Variants in PLLP observed in about 807,000 individuals in gnomAD.
PLLP encodes plasmolipin, also known as plasma membrane proteolipid (plasmolipin).
Under a neutral mutation model 19.7 loss-of-function variants are expected in PLLP, and 15 were observed. The ratio of observed to expected loss-of-function variants is 0.76; its 90% confidence interval spans 0.51 to 1.17. The LOEUF (loss-of-function observed/expected upper bound fraction) is 1.17, where lower values mean the gene tolerates loss of function less well. Ranked by LOEUF, PLLP falls within the 50% of genes most tolerant of loss-of-function variation. The pLI is 0.00. For missense variants in PLLP, 255 were observed against 258.3 expected, an observed-to-expected ratio of 0.99 and a Z score of 0.09; for synonymous variants, 111 against 116.3, an observed-to-expected ratio of 0.95 and a Z score of 0.29.
chr16:57,284,525 A>T lies in PLLP; in HGVS notation c.16T>A (p.Ser6Thr), dbSNP rs1481726531. The change falls in exon 1 of 4, where the codon TCG becomes ACG. Residue 6 changes from serine (S) to threonine (T), a missense_variant. Coordinates refer to ENST00000219207, the MANE Select transcript of PLLP (RefSeq NM_015993.3). ...CTGCTGGTCCGCGTGCTAACTTTCG[A>T]CGGGAACTCGGCCATGGCGGCTCCG... MAEFPSKVSTRTSSPA... is the reference protein window; with the variant it reads MAEFPTKVSTRTSSPA... The T allele has an allele frequency of 1.3e-5, 18 of 1,387,372 alleles. No homozygotes were observed. Among genetic ancestry groups the T allele is most frequent in the Non-Finnish European group, 1.7e-5 (18 of 1,060,466 alleles). 85.9% of individuals were successfully genotyped at this position (1,387,372 alleles called of 1,614,324 possible). A position where few individuals can be genotyped will look rare whatever the true frequency, so the allele number is the denominator to read the frequency against.
At chr16:57,259,204 C>T (rs2075435106) in intron 2 of PLLP, among the ~76,000 whole-genome samples, 2 of 152,184 alleles carry the variant, frequency 1.3e-5, no homozygotes, top group Non-Finnish European at 2.9e-5. Context: ...CCATTCCTCA[C>T]AGAAAGAGCC....
intron 1 of PLLP, among the ~76,000 whole-genome samples, chr16:57,267,417 A>G (rs1597961464): frequency 6.6e-6 from 1 of 152,238 alleles, no homozygotes; most frequent in African/African-American, 2.4e-5. Context: ...AAATACAAAA[A>G]TTAGCCGGGC....
At position 57,281,194 on chromosome 16, in the gene PLLP, C is replaced by T. The variant is rs115740928; in HGVS notation, c.135+3212G>A. On this transcript the variant is annotated intron_variant, in intron 1 of 3. Transcript: ENST00000219207. Reference sequence around the variant, plus strand: ...CTGGGAAGGTAGCAGCAAAGCCACACGTGGTCATTAAGACCATAGGCCAGA... The same window carrying T: ...CTGGGAAGGTAGCAGCAAAGCCACATGTGGTCATTAAGACCATAGGCCAGA... 3.8e-3 allele frequency among the ~76,000 whole-genome samples: 585 copies of T among 152,320 alleles called. 4 individuals carry two copies. The highest frequency in any genetic ancestry group is 0.012 in the African/African-American group (481 of 41,566).
chr16:57,265,631 T>C (rs1263865036), intron 1 of PLLP, among the ~76,000 whole-genome samples: 1 of 152,202 alleles, frequency 6.6e-6, no homozygotes, highest in Non-Finnish European at 1.5e-5. Context: ...CACATCTCAT[T>C]GATTCCTCCA....
chr16:57,262,102 G>C (rs762440622), intron 1 of PLLP, 32 bp from the exon 2 acceptor site: 2 of 1,608,758 alleles, frequency 1.2e-6, no homozygotes, highest in East Asian at 2.2e-5. Flanking sequence ...GGATTGGCCA[G>C]AGATGCGGTT....
chr16:57,261,861 G>C, intron 2 of PLLP, 36 bp downstream of exon 2: 3 of 1,599,516 alleles, frequency 1.9e-6, no homozygotes, highest in Non-Finnish European at 2.6e-6. Context: ...CAGTGGTCCT[G>C]TCATAGCCAC....
chr16:57,272,569 T>C (rs1438156530), intron 1 of PLLP, among the ~76,000 whole-genome samples: 1 of 151,902 alleles, frequency 6.6e-6, no homozygotes, highest in African/African-American at 2.4e-5. Context: ...CCTCTCTCCC[T>C]GGACTTCCGG....
chr16:57,284,343 C>T, intron 1 of PLLP, 63 bp downstream of exon 1: 1 of 1,273,840 alleles, frequency 7.9e-7, no homozygotes, highest in Admixed American at 4.1e-5. Context: ...GCCGGAGTCC[C>T]TCACCCATCC....
At chr16:57,279,785 A>G (rs1597966305) in intron 1 of PLLP, among the ~76,000 whole-genome samples, 1 of 152,006 alleles carries the variant, frequency 6.6e-6, no homozygotes, top group African/African-American at 2.4e-5. Flanking sequence ...CAATCTTCCT[A>G]CCTCAGCCTC....
intron 1 of PLLP, among the ~76,000 whole-genome samples, chr16:57,269,795 T>A (rs2075468629): frequency 2.0e-5 from 3 of 152,170 alleles, no homozygotes; most frequent in Admixed American, 6.5e-5. Flanking sequence ...TGATGGAGTC[T>A]CGCTTTGTTG....
chr16:57,279,670 G>A (rs1297336582), intron 1 of PLLP, among the ~76,000 whole-genome samples: 5 of 123,896 alleles, frequency 4.0e-5, no homozygotes, highest in Non-Finnish European at 6.9e-5. Flanking sequence ...GCAAGACCTT[G>A]TCTCGAGGAA....
intron 1 of PLLP, among the ~76,000 whole-genome samples, chr16:57,267,875 C>G (rs972149403): frequency 3.0e-5 from 2 of 65,704 alleles, no homozygotes; most frequent in African/African-American, 1.2e-4. Flanking sequence ...AACTCCGTCT[C>G]AAAAAAAAAA....
chr16:57,262,547 C>T (rs1002592266), intron 1 of PLLP, among the ~76,000 whole-genome samples: 24 of 95,924 alleles, frequency 2.5e-4, no homozygotes, highest in Non-Finnish European at 4.1e-4. Flanking sequence ...AGTGAAAATC[C>T]GTCTCAAAAA....
At position 57,256,690 on chromosome 16, in the gene PLLP, G is replaced by A; in HGVS notation, c.*223C>T. 2 of 547,692 alleles carry A rather than the reference G, an allele frequency of 3.7e-6. No homozygotes were observed. The highest frequency in any genetic ancestry group is 6.6e-6 in the Non-Finnish European group (2 of 305,240). 33.9% of individuals were successfully genotyped at this position (547,692 alleles called of 1,614,324 possible). A position where few individuals can be genotyped will look rare whatever the true frequency, so the allele number is the denominator to read the frequency against. On this transcript the variant is annotated 3_prime_UTR_variant, in exon 4 of 4. Coordinates refer to ENST00000219207, the MANE Select transcript of PLLP (RefSeq NM_015993.3). ...TCTTCCACTGAATAAGGGGGATGGA[G>A]AAGAGGTCTCAGCAGTTGGCCTCCT... is the stretch of plus-strand genomic sequence containing the variant.
At chr16:57,261,393 G>C (rs2075441298) in intron 2 of PLLP, among the ~76,000 whole-genome samples, 1 of 152,084 alleles carries the variant, frequency 6.6e-6, no homozygotes, top group Non-Finnish European at 1.5e-5. Context: ...ACAAAGTCAA[G>C]CCTGTGTCCT....
intron 3 of PLLP, 65 bp downstream of exon 3, chr16:57,258,397 G>A (rs1309902040): frequency 1.5e-5 from 24 of 1,560,862 alleles, no homozygotes; most frequent in Admixed American, 3.6e-5. Flanking sequence ...CAGACCAAGC[G>A]AGCAGCCTGA....
chr16:57,281,647 A>G (rs1901220944), intron 1 of PLLP, among the ~76,000 whole-genome samples: 1 of 150,928 alleles, frequency 6.6e-6, no homozygotes, highest in African/African-American at 2.4e-5. Flanking sequence ...AGTAGCTGGG[A>G]CTGCAGGCAC....
chr16:57,283,494 T>A (rs930069902), intron 1 of PLLP, among the ~76,000 whole-genome samples: 2 of 152,202 alleles, frequency 1.3e-5, no homozygotes, highest in African/African-American at 4.8e-5. Flanking sequence ...ATACAGGTCC[T>A]GGCCCAACTC....
chr16:57,274,000 T>G (rs1317883641), intron 1 of PLLP, among the ~76,000 whole-genome samples: 1 of 152,194 alleles, frequency 6.6e-6, no homozygotes, highest in Non-Finnish European at 1.5e-5. Context: ...ATTTTTTATT[T>G]TTTTGGCAAT....
Sources: gnomAD v4.1 joint callset for allele counts (sites outside exome capture counted in the v4.1 genomes callset) on GRCh38, gnomAD v4.1.1 for gene constraint, MANE v1.5 for transcripts, NCBI Gene and HGNC (gene_info 2026-07-23, HGNC 2026-07-21) for gene names.